Variants in PRIM2 observed in about 807,000 individuals in gnomAD.
The protein encoded by PRIM2 is DNA primase large subunit.
In PRIM2, 39 loss-of-function variants were observed where a neutral mutation model predicts 67.3. The ratio of observed to expected loss-of-function variants is 0.58; its 90% CI spans 0.45 to 0.76. The LOEUF (loss-of-function observed/expected upper bound fraction) is 0.76. Among genes scored for constraint, PRIM2 ranks in the 30% least tolerant of loss-of-function variants. The pLI is 0.00. For synonymous variants in PRIM2, 143 were observed against 198.7 expected, an observed-to-expected ratio of 0.72 and a Z score of 2.36; for missense variants, 398 against 598.7, an observed-to-expected ratio of 0.66 and a Z score of 3.50.
chr6:57,488,149 C>T (rs1773796661), intron 7 of PRIM2, among the ~76,000 whole-genome samples: 1 of 152,296 alleles, frequency 6.6e-6, no homozygotes, highest in South Asian at 2.1e-4. Context: ...TTCCATCTGA[C>T]TTCTGAATTC....
chr6:57,529,076 C>A (rs1432088567), intron 8 of PRIM2, among the ~76,000 whole-genome samples: 2 of 151,984 alleles, frequency 1.3e-5, no homozygotes, highest in Non-Finnish European at 2.9e-5. Flanking sequence ...TTTGGGAGGC[C>A]GAGGTGGGTG....
chr6:57,255,065 G>A, the PRIM2 span, among the ~76,000 whole-genome samples: 3 of 152,144 alleles, frequency 2.0e-5, no homozygotes, highest in Non-Finnish European at 4.4e-5. Flanking sequence ...ATTGGGCTGC[G>A]AGAATAGGCA....
upstream of PRIM2, among the ~76,000 whole-genome samples, chr6:57,311,096 G>T (rs1767373902): frequency 4.1e-5 from 6 of 145,762 alleles, no homozygotes; most frequent in Admixed American, 4.1e-4. Context: ...CAGACGGGGT[G>T]GTGGCCGGGC....
intron 7 of PRIM2, among the ~76,000 whole-genome samples, chr6:57,498,920 C>T (rs1774067591): frequency 6.6e-6 from 1 of 152,190 alleles, no homozygotes; most frequent in African/African-American, 2.4e-5. Flanking sequence ...TCATGCTCAT[C>T]ATTTGAAAAA....
rs62415775 is a variant in PRIM2 at position 57,344,759 on chromosome 6, G to T, written c.459+18714G>T. ...GGCCTAACCATTTATGCATATAGTTGTAAAAATACACCATGGCAGATGGTC... is the reference window on the plus strand; with the variant it reads ...GGCCTAACCATTTATGCATATAGTTTTAAAAATACACCATGGCAGATGGTC... On this transcript the variant is annotated intron_variant, in intron 5 of 13. Coordinates refer to ENST00000615550, the MANE Select transcript of PRIM2 (RefSeq NM_000947.5). Among the ~76,000 whole-genome samples the T allele has an allele frequency of 2.4e-3, 373 of 152,254 alleles. 2 individuals are homozygous for T. Among genetic ancestry groups the T allele is most frequent in the Non-Finnish European group, 3.8e-3 (260 of 68,016 alleles).
intron 12 of PRIM2, among the ~76,000 whole-genome samples, 191 bp downstream of exon 12, chr6:57,606,648 TG>T (rs1279010067): frequency 6.6e-6 from 1 of 152,222 alleles, no homozygotes; most frequent in Non-Finnish European, 1.5e-5. Context: ...CTAGTTCTTC[TG>T]TCTGCTAAGC....
intron 7 of PRIM2, among the ~76,000 whole-genome samples, chr6:57,439,604 G>A (rs574521168): frequency 5.6e-4 from 85 of 151,606 alleles, no homozygotes; most frequent in African/African-American, 2.0e-3. Flanking sequence ...TAGTAGAGAT[G>A]GGGTTTTGCC....
chr6:57,471,215 A>G (rs1465852280), intron 7 of PRIM2, among the ~76,000 whole-genome samples: 1 of 152,086 alleles, frequency 6.6e-6, no homozygotes, highest in Non-Finnish European at 1.5e-5. Context: ...GGCATGTGGA[A>G]GAGATACTAG....
chr6:57,234,446 TACTA>T, the PRIM2 span, among the ~76,000 whole-genome samples: 2 of 152,258 alleles, frequency 1.3e-5, no homozygotes, highest in African/African-American at 4.8e-5. Context: ...AGATAACAGC[TACTA>T]ACTGAGGATT....
chr6:57,355,301 C>CA (rs66639419), intron 5 of PRIM2, among the ~76,000 whole-genome samples: 8,261 of 63,272 alleles, frequency 0.13, 712 homozygotes, highest in African/African-American at 0.35. Context: ...GACTCTGTCT[C>CA]AAAAAAAAAA....
At chr6:57,280,948 C>T in the PRIM2 span, among the ~76,000 whole-genome samples, 5 of 152,098 alleles carry the variant, frequency 3.3e-5, no homozygotes, top group African/African-American at 1.2e-4. Flanking sequence ...CTCTCTTCCC[C>T]CATCCCTCCT....
chr6:57,525,380 C>A (rs1554349271), intron 8 of PRIM2, among the ~76,000 whole-genome samples: 1 of 151,916 alleles, frequency 6.6e-6, no homozygotes, highest in Non-Finnish European at 1.5e-5. Context: ...AACAACCAGG[C>A]CTTTGACTTT....
chr6:57,366,211 A>G (rs1424177422), intron 5 of PRIM2, among the ~76,000 whole-genome samples: 1 of 152,194 alleles, frequency 6.6e-6, no homozygotes, highest in Non-Finnish European at 1.5e-5. Flanking sequence ...AACACAGGGT[A>G]TAGAAAGACA....
chr6:57,388,766 A>T (rs1021858054), intron 7 of PRIM2, among the ~76,000 whole-genome samples: 1 of 152,228 alleles, frequency 6.6e-6, no homozygotes, highest in Non-Finnish European at 1.5e-5. Context: ...CGAGAAAAAT[A>T]TGTAAAATAA....
intron 7 of PRIM2, among the ~76,000 whole-genome samples, chr6:57,502,851 C>T (rs1427773229): frequency 6.6e-6 from 1 of 152,130 alleles, no homozygotes; most frequent in Non-Finnish European, 1.5e-5. Context: ...TTCTTTTGAA[C>T]CAGGAGGTCA....
intron 8 of PRIM2, among the ~76,000 whole-genome samples, chr6:57,514,864 C>T (rs1486676873): frequency 6.6e-6 from 1 of 152,084 alleles, no homozygotes; most frequent in East Asian, 1.9e-4. Context: ...TACCCCCCTC[C>T]CCACCCACAC....
chr6:57,551,729 A>G (rs1775407118), intron 10 of PRIM2, among the ~76,000 whole-genome samples: 3 of 152,216 alleles, frequency 2.0e-5, no homozygotes, highest in African/African-American at 7.2e-5. Flanking sequence ...ACAGTAAACA[A>G]GTAAGTGAAT....
At chr6:57,514,250 T>C (rs1774434437) in intron 8 of PRIM2, among the ~76,000 whole-genome samples, 1 of 152,244 alleles carries the variant, frequency 6.6e-6, no homozygotes, top group Non-Finnish European at 1.5e-5. Context: ...ACATGTAATC[T>C]CTGTAAGAAA....
chr6:57,456,076 T>C (rs1265841601), intron 7 of PRIM2, among the ~76,000 whole-genome samples: 2 of 152,146 alleles, frequency 1.3e-5, no homozygotes, highest in Non-Finnish European at 2.9e-5. Flanking sequence ...AAATTCTGGG[T>C]TGAAAATTCT....
Sources: allele counts gnomAD v4.1 joint callset (sites outside exome capture counted in the v4.1 genomes callset), GRCh38; gene constraint gnomAD v4.1.1; transcripts MANE v1.5; gene names NCBI Gene and HGNC (gene_info 2026-07-23, HGNC 2026-07-21).